Variants in DNAH5 observed in about 807,000 individuals in gnomAD.
DNAH5 encodes the protein dynein axonemal heavy chain 5.
DNAH5 carries 372 observed loss-of-function variants against 518.2 expected under a neutral mutation model. That is an observed-to-expected ratio of 0.72 (90% CI 0.66 to 0.78). The LOEUF is 0.78. Among genes scored for constraint, DNAH5 ranks in the 30% least tolerant of loss-of-function variants. The pLI, the probability that DNAH5 is intolerant of heterozygous loss-of-function variation, is 0.00. For synonymous variants in DNAH5, 2,039 were observed against 2,025.9 expected, an observed-to-expected ratio of 1.01 and a Z score of -0.17; for missense variants, 5,523 against 5,687.0, an observed-to-expected ratio of 0.97 and a Z score of 0.93.
chr5:13,844,786 T>G, intron 32 of DNAH5, 51 bp downstream of exon 32: 72 of 1,609,774 alleles, frequency 4.5e-5, no homozygotes, highest in Non-Finnish European at 5.6e-5. Context: ...TAAAGACAGT[T>G]GAGGTTCGAA....
At chr5:13,783,473 A>T (rs935639393) in intron 52 of DNAH5, among the ~76,000 whole-genome samples, 1 of 152,172 alleles carries the variant, frequency 6.6e-6, no homozygotes, top group African/African-American at 2.4e-5. Flanking sequence ...ACAAGGTAGT[A>T]TATGGGTGGG....
intron 60 of DNAH5, 108 bp downstream of exon 60, chr5:13,762,614 T>C (rs1437585361): frequency 2.5e-5 from 24 of 948,900 alleles, no homozygotes; most frequent in South Asian, 2.2e-4. Flanking sequence ...TGGACCTGAG[T>C]ATCCTAACAC....
At chr5:13,789,891 T>C (rs1021051445) in intron 50 of DNAH5, among the ~76,000 whole-genome samples, 1 of 152,086 alleles carries the variant, frequency 6.6e-6, no homozygotes, top group Non-Finnish European at 1.5e-5. Context: ...CCCCAAAATA[T>C]CATTAACAGA....
intron 74 of DNAH5, among the ~76,000 whole-genome samples, chr5:13,715,529 T>C (rs997280890): frequency 6.6e-6 from 1 of 152,254 alleles, no homozygotes; most frequent in African/African-American, 2.4e-5. Flanking sequence ...GGCGGTAATA[T>C]ATGATAAACT....
rs1757375148 is a variant in DNAH5, at chr5:13,793,691, T to C, written c.8048A>G (p.Asn2683Ser). The C allele has an allele frequency of 6.2e-7, 1 of 1,614,134 alleles. No individual in the cohort carries two copies. The highest frequency in any genetic ancestry group is 2.2e-5 in the East Asian group (1 of 44,874). ...NEIVRQLMEQ[N>S]GFYNLEKPGE... ...AGGCTTCTCTAGATTATAGAATCCATTTTGTTCCATCAGCTGTCGCACTAT... is the reference window on the plus strand; with the variant it reads ...AGGCTTCTCTAGATTATAGAATCCACTTTGTTCCATCAGCTGTCGCACTAT... Residue 2683 changes from asparagine to serine, a missense_variant, in exon 49 of 79, where the codon AAT (asparagine) becomes AGT (serine). Asn to Ser is a conservative substitution (Grantham distance 46, BLOSUM62 1). Transcript: ENST00000265104.
At chr5:14,006,679 G>A (rs1012287329) in intron 1 of DNAH5, among the ~76,000 whole-genome samples, 2 of 152,182 alleles carry the variant, frequency 1.3e-5, no homozygotes, top group African/African-American at 2.4e-5. Flanking sequence ...TACAAACCTG[G>A]AGAGGGCATA....
chr5:13,911,322 G>A, intron 12 of DNAH5, 64 bp downstream of exon 12: 1 of 1,265,844 alleles, frequency 7.9e-7, no homozygotes, highest in Non-Finnish European at 1.2e-6. Flanking sequence ...ATGATTAACG[G>A]CATTATACAG....
rs1744693751 is a variant in DNAH5, at chr5:13,719,042, C to T, written c.12339G>A (p.Met4113Ile). 1 of 1,613,992 alleles carries T rather than the reference C, an allele frequency of 6.2e-7. No individual in the cohort carries two copies. Among genetic ancestry groups the T allele is most frequent in the South Asian group, 1.1e-5 (1 of 91,082 alleles). The change falls in exon 72 of 79, where the codon ATG becomes ATA. Residue 4113 changes from methionine (M) to isoleucine (I), a missense_variant. Physicochemically the swap from Met to Ile is conservative, Grantham distance 10. Around this residue, in one of 3 missense-constraint regions of DNAH5, gnomAD observed 5,121 missense variants for 5,223.3 expected, o/e 0.98. Coordinates refer to ENST00000265104, the MANE Select transcript of DNAH5 (RefSeq NM_001369.3). ...HLGLDFMDEL[M>I]DIIIETELVH... ...CAAGCTCAGTTTCTATGATTATGTCCATCAGCTCATCCATGAAATCAAGTC... is the reference window on the plus strand; with the variant it reads ...CAAGCTCAGTTTCTATGATTATGTCTATCAGCTCATCCATGAAATCAAGTC...
At chr5:14,001,428 A>T (rs934991442) in intron 1 of DNAH5, among the ~76,000 whole-genome samples, 48 of 151,614 alleles carry the variant, frequency 3.2e-4, no homozygotes, top group African/African-American at 1.1e-3. Flanking sequence ...CAGTGGTGTG[A>T]TCTCGGCTCA....
At chr5:13,813,457 G>GAAAAAAAAAAA (rs374318289) in intron 43 of DNAH5, among the ~76,000 whole-genome samples, 1 of 136,772 alleles carries the variant, frequency 7.3e-6, no homozygotes. Context: ...GCACTTAAAA[G>GAAAAAAAAAAA]AAAAAAAAAA....
At chr5:13,944,167 G>A (rs940385882) in intron 1 of DNAH5, among the ~76,000 whole-genome samples, 9 of 152,144 alleles carry the variant, frequency 5.9e-5, no homozygotes, top group African/African-American at 2.2e-4. Context: ...TAGTTTAAGC[G>A]GCAACGTGCA....
intron 12 of DNAH5, among the ~76,000 whole-genome samples, chr5:13,906,575 A>G (rs1184760820): frequency 6.6e-6 from 1 of 152,218 alleles, no homozygotes; most frequent in Non-Finnish European, 1.5e-5. Flanking sequence ...AATCTTAACT[A>G]CGAACTAGGC....
intron 1 of DNAH5, among the ~76,000 whole-genome samples, chr5:13,933,122 T>G (rs1049657190): frequency 1.3e-5 from 2 of 152,182 alleles, no homozygotes; most frequent in Admixed American, 6.5e-5. Flanking sequence ...ACAAAATAAC[T>G]TCTCCTGTTC....
intron 30 of DNAH5, 95 bp downstream of exon 30, chr5:13,859,357 A>G: frequency 7.5e-7 from 1 of 1,334,298 alleles, no homozygotes; most frequent in Admixed American, 1.7e-5. Context: ...AGGGGGTTCA[A>G]TAGAAGTGGA....
intron 1 of DNAH5, among the ~76,000 whole-genome samples, chr5:13,965,190 ATT>A (rs1312039277): frequency 1.3e-5 from 2 of 152,144 alleles, no homozygotes; most frequent in African/African-American, 4.8e-5. Flanking sequence ...AGTGTTTATT[ATT>A]GAGAGGGCAT....
intron 12 of DNAH5, among the ~76,000 whole-genome samples, chr5:13,902,428 G>A (rs1212858265): frequency 6.6e-6 from 1 of 152,184 alleles, no homozygotes; most frequent in African/African-American, 2.4e-5. Context: ...GGGGAGATGG[G>A]CTATGGGGTC....
chr5:13,871,472 G>T, intron 23 of DNAH5, 92 bp downstream of exon 23: 2 of 1,150,418 alleles, frequency 1.7e-6, no homozygotes, highest in Non-Finnish European at 2.6e-6. Flanking sequence ...CAATCTTTAA[G>T]ACAGGTAGAA....
intron 3 of DNAH5, among the ~76,000 whole-genome samples, chr5:13,924,745 T>C (rs1194806168): frequency 6.6e-6 from 1 of 152,098 alleles, no homozygotes; most frequent in Non-Finnish European, 1.5e-5. Context: ...ACACACTGTG[T>C]AAAGTCCTTA....
chr5:13,754,828 G>A (rs62341656), intron 61 of DNAH5, among the ~76,000 whole-genome samples: 51,693 of 151,696 alleles, frequency 0.34, 8,982 homozygotes, highest in East Asian at 0.45. Context: ...ATGAGCCACC[G>A]CACCTGACCA....
Sources: allele counts gnomAD v4.1 joint callset (sites outside exome capture counted in the v4.1 genomes callset), GRCh38; gene constraint gnomAD v4.1.1; regional missense constraint gnomAD v4.1.1; transcripts MANE v1.5; gene names NCBI Gene and HGNC (gene_info 2026-07-23, HGNC 2026-07-21).